The following DACH1 variants were observed in gnomAD, a reference collection of about 807,000 sequenced individuals.
The protein encoded by DACH1 is dachshund family transcription factor 1.
DACH1 carries 12 observed loss-of-function variants against 54.2 expected under a neutral mutation model. That is an observed-to-expected ratio of 0.22 (90% CI 0.14 to 0.36). The LOEUF (loss-of-function observed/expected upper bound fraction) is 0.36. Among genes scored for constraint, DACH1 ranks in the 10% least tolerant of loss-of-function variants. DACH1 has a pLI of 1.00. For synonymous variants in DACH1, 386 were observed against 366.2 expected, an observed-to-expected ratio of 1.05 and a Z score of -0.62; for missense variants, 805 against 929.8, an observed-to-expected ratio of 0.87 and a Z score of 1.75.
intron 4 of DACH1, among the ~76,000 whole-genome samples, chr13:71,571,952 G>C (rs1885238506): frequency 6.6e-6 from 1 of 151,924 alleles, no homozygotes; most frequent in East Asian, 1.9e-4. Context: ...AGCCAGGATG[G>C]TCTCGATCTT....
intron 6 of DACH1, among the ~76,000 whole-genome samples, chr13:71,526,047 C>A (rs1803474441): frequency 6.6e-6 from 1 of 152,140 alleles, no homozygotes; most frequent in East Asian, 1.9e-4. Context: ...ATTTCAAGGG[C>A]AAAAATATTG....
rs118148897 is a variant in DACH1 at position 71,496,493 on chromosome 13, A to G, written c.1571-7345T>C. On this transcript the variant is annotated intron_variant, in intron 6 of 10. Coordinates refer to ENST00000613252, the MANE Select transcript of DACH1 (RefSeq NM_080759.6). ...AGATGAATACTTCATGTTCTCATTT[A>G]TAAGTGGGAGCTAAGTAATGTGTAC... Among the ~76,000 whole-genome samples, 572 of 151,832 alleles carry G rather than the reference A, an allele frequency of 3.8e-3. 5 individuals carry two copies. Among genetic ancestry groups the G allele is most frequent in the Non-Finnish European group, 6.3e-3 (431 of 67,948 alleles).
At chr13:71,813,980 T>C (rs1357755488) in intron 1 of DACH1, among the ~76,000 whole-genome samples, 3 of 152,060 alleles carry the variant, frequency 2.0e-5, no homozygotes, top group Non-Finnish European at 4.4e-5. Context: ...ACAGTGATGT[T>C]GTAGTCTCGG....
chr13:71,531,361 A>G (rs1160152161), intron 6 of DACH1, among the ~76,000 whole-genome samples: 1 of 138,208 alleles, frequency 7.2e-6, no homozygotes, highest in Non-Finnish European at 1.7e-5. Flanking sequence ...AGGTCTAAGG[A>G]GGTCTTCATA....
intron 6 of DACH1, among the ~76,000 whole-genome samples, chr13:71,537,686 T>C (rs956500539): frequency 1.2e-4 from 18 of 152,114 alleles, no homozygotes; most frequent in African/African-American, 4.1e-4. Context: ...ATCTTGAAAA[T>C]ATTGTAGTTT....
chr13:71,647,427 T>C (rs1878365528), intron 2 of DACH1, among the ~76,000 whole-genome samples: 1 of 152,238 alleles, frequency 6.6e-6, no homozygotes, highest in African/African-American at 2.4e-5. Context: ...TGTTGGTAGA[T>C]AACCCTCATA....
At chr13:71,793,419 A>C (rs1886912754) in intron 1 of DACH1, among the ~76,000 whole-genome samples, 1 of 152,202 alleles carries the variant, frequency 6.6e-6, no homozygotes, top group Admixed American at 6.6e-5. Context: ...TTTTCATTTC[A>C]ATCTCCCTCC....
At chr13:71,486,226 G>GT (rs1487775452) in intron 7 of DACH1, among the ~76,000 whole-genome samples, 2 of 151,712 alleles carry the variant, frequency 1.3e-5, no homozygotes, top group African/African-American at 4.8e-5. Context: ...ATTTTAAAGG[G>GT]TTTTTTGGTC....
At chr13:71,865,808 G>C (rs778796292) in intron 1 of DACH1, 114 bp downstream of exon 1, 18 of 1,309,698 alleles carry the variant, frequency 1.4e-5, no homozygotes, top group South Asian at 2.2e-5. Flanking sequence ...CGCGCTCGCC[G>C]GGGCGCGCGG....
intron 1 of DACH1, among the ~76,000 whole-genome samples, chr13:71,827,360 T>C (rs1212273395): frequency 6.6e-6 from 1 of 152,082 alleles, no homozygotes; most frequent in African/African-American, 2.4e-5. Flanking sequence ...TAAAACTAAT[T>C]ATTACAACAT....
chr13:71,668,862 T>C (rs1428629852), intron 2 of DACH1, among the ~76,000 whole-genome samples: 1 of 151,790 alleles, frequency 6.6e-6, no homozygotes, highest in African/African-American at 2.4e-5. Flanking sequence ...GAGGCAGAGG[T>C]TGCAGTGAGC....
intron 1 of DACH1, among the ~76,000 whole-genome samples, chr13:71,790,839 T>C (rs541638156): frequency 1.3e-5 from 2 of 152,312 alleles, no homozygotes; most frequent in Non-Finnish European, 2.9e-5. Context: ...TTTAGTTAGG[T>C]GTTCTTGTTT....
At chr13:71,859,318 G>C (rs961717849) in intron 1 of DACH1, among the ~76,000 whole-genome samples, 2 of 151,664 alleles carry the variant, frequency 1.3e-5, no homozygotes, top group Non-Finnish European at 3.0e-5. Context: ...TCTTATAAAG[G>C]AAATCTATGT....
At position 71,783,480 on chromosome 13, in the gene DACH1, T is replaced by C. The variant is rs143113313; in HGVS notation, c.848+82442A>G. Among the ~76,000 whole-genome samples, 714 of 152,186 alleles carry C rather than the reference T, an allele frequency of 4.7e-3. 10 individuals carry two copies. The highest frequency in any genetic ancestry group is 0.016 in the African/African-American group (674 of 41,546). ...AGGTTCCAAAAATGTAAGATAAAAA[T>C]AATGTGATAACAGTAATTATAGGAT... On this transcript the variant is annotated intron_variant, in intron 1 of 10. Transcript: ENST00000613252.
chr13:71,582,641 A>G (rs905975876), intron 3 of DACH1, among the ~76,000 whole-genome samples: 1 of 152,134 alleles, frequency 6.6e-6, no homozygotes, highest in Non-Finnish European at 1.5e-5. Flanking sequence ...AGCATATTTG[A>G]AGGACCATTG....
intron 1 of DACH1, among the ~76,000 whole-genome samples, chr13:71,855,626 G>A (rs1873953550): frequency 6.6e-6 from 1 of 151,874 alleles, no homozygotes; most frequent in Non-Finnish European, 1.5e-5. Flanking sequence ...AGTGAATCCA[G>A]CTAAAATAAA....
intron 1 of DACH1, 109 bp downstream of exon 1, chr13:71,865,813 G>GCGCGGCT: frequency 4.6e-6 from 6 of 1,311,794 alleles, no homozygotes; most frequent in Non-Finnish European, 4.8e-6. Flanking sequence ...TCGCCGGGGC[G>GCGCGGCT]CGCGGCTCGC....
chr13:71,798,290 T>C (rs1300983044), intron 1 of DACH1, among the ~76,000 whole-genome samples: 1 of 143,134 alleles, frequency 7.0e-6, no homozygotes, highest in African/African-American at 2.6e-5. Context: ...AAATGAACTA[T>C]GAAAGATGAT....
At chr13:71,822,481 G>C (rs1029919559) in intron 1 of DACH1, among the ~76,000 whole-genome samples, 1 of 152,024 alleles carries the variant, frequency 6.6e-6, no homozygotes, top group East Asian at 1.9e-4. Flanking sequence ...TGTGTATCTC[G>C]TGTATGTTAT....
Sources: gnomAD v4.1 joint callset for allele counts (sites outside exome capture counted in the v4.1 genomes callset) on GRCh38, gnomAD v4.1.1 for gene constraint, MANE v1.5 for transcripts, NCBI Gene and HGNC (gene_info 2026-07-23, HGNC 2026-07-21) for gene names.